The following NCAM1 variants were observed in gnomAD, a reference collection of about 807,000 sequenced individuals.
The protein encoded by NCAM1 is antigen recognized by monoclonal antibody 5.1H11.
NCAM1 carries 14 observed loss-of-function variants against 109.8 expected under a neutral mutation model. The observed-to-expected ratio is 0.13, with a 90% CI of 0.08 to 0.20. The LOEUF (loss-of-function observed/expected upper bound fraction) is 0.20. Ranked by LOEUF, NCAM1 falls within the 10% of genes least tolerant of loss-of-function variation. NCAM1 has a pLI of 1.00. For synonymous variants in NCAM1, 418 were observed against 442.9 expected (o/e 0.94, Z 0.70); for missense variants, 774 against 1,109.9 (o/e 0.70, Z 4.30).
At chr11:113,185,079 T>TATATATATAGAGAGAGAGAGAG in intron 1 of NCAM1, among the ~76,000 whole-genome samples, 21 of 125,744 alleles carry the variant, frequency 1.7e-4, no homozygotes, top group East Asian at 1.2e-3. Context: ...TATATATATA[T>TATATATATAGAGAGAGAGAGAG]AGAGAGAGAG....
At chr11:113,070,149 C>G (rs988429457) in intron 1 of NCAM1, among the ~76,000 whole-genome samples, 1 of 152,218 alleles carries the variant, frequency 6.6e-6, no homozygotes, top group East Asian at 1.9e-4. Context: ...TGTCATTGCA[C>G]GTTGATTCCT....
intron 16 of NCAM1, among the ~76,000 whole-genome samples, chr11:113,258,955 A>C (rs2137624318): frequency 6.6e-6 from 1 of 152,070 alleles, no homozygotes; most frequent in African/African-American, 2.4e-5. Flanking sequence ...GCCTGACAAA[A>C]CCCCACAGGC....
rs968308148 is a variant in NCAM1, at chr11:112,979,521, G to T, written c.52+17857G>T. Among the ~76,000 whole-genome samples the T allele has an allele frequency of 8.6e-5, 13 of 151,898 alleles. No individual in the cohort carries two copies. In the East Asian group the frequency reaches 2.5e-3, roughly 29 times the overall value. On this transcript the variant is annotated intron_variant, in intron 1 of 19. Coordinates refer to ENST00000316851, the MANE Select transcript of NCAM1 (RefSeq NM_181351.5). ...ACAAGGAAACAACTATAGAAAAAAA[G>T]AAACTGGTTAACATCAGGTTACTTC... is the stretch of plus-strand genomic sequence containing the variant.
intron 2 of NCAM1, among the ~76,000 whole-genome samples, chr11:113,203,439 TG>T (rs1341746666): frequency 6.6e-6 from 1 of 152,248 alleles, no homozygotes; most frequent in Non-Finnish European, 1.5e-5. Flanking sequence ...TGTGCAGGGC[TG>T]GGTGGTGCAG....
intron 1 of NCAM1, among the ~76,000 whole-genome samples, chr11:113,185,435 T>C (rs1943479956): frequency 6.6e-6 from 1 of 152,184 alleles, no homozygotes; most frequent in African/African-American, 2.4e-5. Flanking sequence ...CCAATTTCAA[T>C]GTTAATCTCA....
intron 7 of NCAM1, among the ~76,000 whole-genome samples, chr11:113,212,885 C>T (rs1944429357): frequency 6.6e-6 from 1 of 152,168 alleles, no homozygotes; most frequent in Admixed American, 6.5e-5. Context: ...GGTTTAACCT[C>T]ATTCATGTGG....
intron 7 of NCAM1, among the ~76,000 whole-genome samples, chr11:113,210,361 A>G (rs1229233504): frequency 6.6e-6 from 1 of 152,256 alleles, no homozygotes; most frequent in East Asian, 1.9e-4. Flanking sequence ...CAGAGGGATG[A>G]GGTGCCTCTG....
intron 1 of NCAM1, among the ~76,000 whole-genome samples, chr11:113,010,794 C>A (rs1311549461): frequency 6.6e-6 from 1 of 152,122 alleles, no homozygotes; most frequent in African/African-American, 2.4e-5. Context: ...ATGACCCACA[C>A]ACATGAAAAG....
intron 17 of NCAM1, chr11:113,265,040 C>A: frequency 2.0e-6 from 2 of 985,436 alleles, no homozygotes; most frequent in African/African-American, 3.5e-5. Flanking sequence ...CTCCACACAC[C>A]ATGGGGCCCC....
At chr11:113,191,871 G>A (rs1555109953) in intron 1 of NCAM1, among the ~76,000 whole-genome samples, 1 of 152,134 alleles carries the variant, frequency 6.6e-6, no homozygotes, top group African/African-American at 2.4e-5. Flanking sequence ...GACATTGTAA[G>A]CCTTTGTATC....
chr11:113,222,893 A>G (rs943286074), intron 9 of NCAM1, among the ~76,000 whole-genome samples: 28 of 152,134 alleles, frequency 1.8e-4, no homozygotes, highest in Admixed American at 1.6e-3. Flanking sequence ...TGCTGCCCCT[A>G]GGGCTCAGAA....
intron 1 of NCAM1, among the ~76,000 whole-genome samples, chr11:113,115,494 C>T (rs974566332): frequency 1.3e-5 from 2 of 152,016 alleles, no homozygotes; most frequent in African/African-American, 4.8e-5. Flanking sequence ...AAGAAAATAC[C>T]CTACCCTCCA....
chr11:113,149,862 G>T (rs1220723184), intron 1 of NCAM1, among the ~76,000 whole-genome samples: 2 of 152,190 alleles, frequency 1.3e-5, no homozygotes, highest in South Asian at 4.1e-4. Flanking sequence ...TTGGAATACG[G>T]AGTTGTGGAC....
intron 9 of NCAM1, among the ~76,000 whole-genome samples, chr11:113,229,735 A>G (rs1484477154): frequency 6.6e-6 from 1 of 152,242 alleles, no homozygotes; most frequent in African/African-American, 2.4e-5. Flanking sequence ...CATATACACC[A>G]TGGAATACTA....
chr11:113,061,719 T>C (rs562631052), intron 1 of NCAM1, among the ~76,000 whole-genome samples: 375 of 152,346 alleles, frequency 2.5e-3, no homozygotes, highest in Non-Finnish European at 4.4e-3. Context: ...TTTATTCACT[T>C]TCTGCTTCTA....
intron 9 of NCAM1, 94 bp downstream of exon 9, chr11:113,221,419 A>C (rs1259700779): frequency 1.8e-5 from 24 of 1,311,030 alleles, no homozygotes; most frequent in Middle Eastern, 3.6e-4. Flanking sequence ...TGCTAAACTA[A>C]TTAGTAATTT....
chr11:113,147,955 G>C (rs1298203530), intron 1 of NCAM1, among the ~76,000 whole-genome samples: 2 of 152,194 alleles, frequency 1.3e-5, no homozygotes, highest in Non-Finnish European at 2.9e-5. Context: ...ACCTGTGCCA[G>C]TTAGAGTTTT....
At chr11:113,187,967 C>T (rs1249943324) in intron 1 of NCAM1, among the ~76,000 whole-genome samples, 1 of 152,138 alleles carries the variant, frequency 6.6e-6, no homozygotes, top group East Asian at 1.9e-4. Context: ...AGGCAGCTTG[C>T]CTTGTTATAA....
chr11:113,044,005 T>G (rs1555080399), intron 1 of NCAM1, among the ~76,000 whole-genome samples: 1 of 152,190 alleles, frequency 6.6e-6, no homozygotes, highest in African/African-American at 2.4e-5. Context: ...AGTGATGTTT[T>G]CATTATAATA....
Sources: allele counts gnomAD v4.1 joint callset (sites outside exome capture counted in the v4.1 genomes callset), GRCh38; gene constraint gnomAD v4.1.1; transcripts MANE v1.5; gene names NCBI Gene and HGNC (gene_info 2026-07-23, HGNC 2026-07-21).